Variants in NBAS observed in about 807,000 individuals in gnomAD.
NBAS encodes the protein NBAS subunit of NRZ tethering complex, also known as NAG/BC035112 fusion.
NBAS carries 219 observed loss-of-function variants against 302.5 expected under a neutral mutation model. That is an observed-to-expected ratio of 0.72 (90% CI 0.65 to 0.81). The LOEUF is 0.81. Ranked by LOEUF, NBAS falls within the 30% of genes least tolerant of loss-of-function variation. The pLI is 0.00. For synonymous variants in NBAS, 1,118 were observed against 1,021.6 expected (o/e 1.09, Z -1.80); for missense variants, 2,932 against 2,841.6 (o/e 1.03, Z -0.72).
At chr2:15,553,922 A>G in intron 4 of NBAS, 139 bp downstream of exon 4, 3 of 728,758 alleles carry the variant, frequency 4.1e-6, no homozygotes, top group Non-Finnish European at 7.1e-6. Flanking sequence ...AGTTTAAACA[A>G]TACTAAATAT....
At chr2:14,893,146 T>C in the NBAS span, among the ~76,000 whole-genome samples, 1 of 152,204 alleles carries the variant, frequency 6.6e-6, no homozygotes, top group African/African-American at 2.4e-5. Context: ...ATTTACATTT[T>C]GTAAGAAAAT....
chr2:15,026,631 G>A, the NBAS span, among the ~76,000 whole-genome samples: 3 of 152,078 alleles, frequency 2.0e-5, no homozygotes, highest in African/African-American at 7.2e-5. Context: ...TGTTGGATTA[G>A]CTTTTTAATG....
At chr2:15,527,006 C>A (rs1447587239) in intron 9 of NBAS, among the ~76,000 whole-genome samples, 2 of 149,910 alleles carry the variant, frequency 1.3e-5, no homozygotes, top group African/African-American at 4.9e-5. Context: ...TGTAACAAAT[C>A]AAGAGAGTGG....
chr2:14,837,884 AG>A, the NBAS span, among the ~76,000 whole-genome samples: 6 of 151,822 alleles, frequency 4.0e-5, no homozygotes, highest in Non-Finnish European at 1.5e-5. Context: ...TATTGCCTTT[AG>A]TATTTACGCT....
chr2:15,288,110 G>A (rs1027769619), intron 41 of NBAS, among the ~76,000 whole-genome samples: 3 of 152,244 alleles, frequency 2.0e-5, no homozygotes, highest in Non-Finnish European at 4.4e-5. Context: ...AGACTCCAGA[G>A]CCTACAATCA....
the NBAS span, among the ~76,000 whole-genome samples, chr2:14,924,654 C>T: frequency 0.087 from 13,248 of 152,170 alleles, 650 homozygotes; most frequent in African/African-American, 0.11. Context: ...GACTTCCTTT[C>T]GCCAAGAAAA....
In NBAS at chr2:15,463,788, C is replaced by CAAAAAAAAAAAAAAAAAAAAAA. The variant is rs55808465; in HGVS notation, c.2098-1998_2098-1997insTTTTTTTTTTTTTTTTTTTTTT. Among the ~76,000 whole-genome samples, 22 of 91,628 alleles carry CAAAAAAAAAAAAAAAAAAAAAA rather than the reference C, an allele frequency of 2.4e-4. 1 individual carries two copies. Among genetic ancestry groups the CAAAAAAAAAAAAAAAAAAAAAA allele is most frequent in the African/African-American group, 7.0e-4 (16 of 22,986 alleles). The allele number at this position is 91,628 out of a possible 152,430, so 60.1% of individuals were successfully genotyped here. A position where few individuals can be genotyped will look rare whatever the true frequency, so the allele number is the denominator to read the frequency against. On this transcript the variant is annotated intron_variant, in intron 19 of 51. Transcript: ENST00000281513. ...AATCCTCATTCAAATGAACCAAATG[C>CAAAAAAAAAAAAAAAAAAAAAA]AAAAAAAAAAAAAAAAAGCACCAGG...
Position 15,424,388 on chromosome 2 carries a change from G to A in NBAS, c.2504C>T (p.Thr835Ile). The change falls in exon 23 of 52, where the codon ACC (threonine) becomes ATC (isoleucine). Residue 835 changes from threonine to isoleucine, a missense_variant. Coordinates refer to ENST00000281513, the MANE Select transcript of NBAS (RefSeq NM_015909.4). ...CATAACCTTCTCCACCGTAAGCTGG[G>A]TCATCCTGAACCTTAGTAACTCAGG... ...AQPELLRFRM[T>I]QLTVEKVMDW... The A allele has an allele frequency of 6.2e-7, 1 of 1,614,068 alleles. No individual in the cohort carries two copies. Among genetic ancestry groups the A allele is most frequent in the Non-Finnish European group, 8.5e-7 (1 of 1,179,976 alleles).
rs564093524 is a variant in NBAS, at chr2:15,304,770, T to C, written c.4797+3446A>G. 5.5e-4 allele frequency among the ~76,000 whole-genome samples: 83 copies of C among 152,278 alleles called. No individual in the cohort carries two copies. In the South Asian group the frequency reaches 0.016, roughly 30 times the overall value. ...GTAGAACTTTGCTTGAGAGAGATGA[T>C]TTAGGGTTTCTGGTGGGAGAAATTT... On this transcript the variant is annotated intron_variant, in intron 40 of 51. Coordinates refer to ENST00000281513, the MANE Select transcript of NBAS (RefSeq NM_015909.4).
the NBAS span, among the ~76,000 whole-genome samples, chr2:14,877,641 T>A: frequency 6.6e-6 from 1 of 152,254 alleles, no homozygotes; most frequent in Non-Finnish European, 1.5e-5. Context: ...TTTTCAAGAT[T>A]TTTTTAATGC....
intron 23 of NBAS, among the ~76,000 whole-genome samples, chr2:15,421,876 C>T (rs1677231060): frequency 6.6e-6 from 1 of 152,052 alleles, no homozygotes; most frequent in African/African-American, 2.4e-5. Flanking sequence ...GCTAAAAGTA[C>T]AATTTCCATA....
At chr2:15,402,362 T>C in intron 25 of NBAS, 61 bp from the exon 26 acceptor site, 1 of 1,482,132 alleles carries the variant, frequency 6.7e-7, no homozygotes, top group South Asian at 1.1e-5. Context: ...TTTTTCCATA[T>C]CCCAATACTA....
At chr2:15,285,958 C>A (rs1172133661) in intron 42 of NBAS, among the ~76,000 whole-genome samples, 1 of 152,220 alleles carries the variant, frequency 6.6e-6, no homozygotes, top group African/African-American at 2.4e-5. Flanking sequence ...TGGCGCCTGG[C>A]CTCTCTTGCC....
At chr2:14,783,534 T>C in the NBAS span, among the ~76,000 whole-genome samples, 330 of 141,502 alleles carry the variant, frequency 2.3e-3, no homozygotes, top group African/African-American at 7.8e-3. Context: ...TGTGTTCTCA[T>C]TGTTCAATTC....
the NBAS span, among the ~76,000 whole-genome samples, chr2:14,965,256 C>G: frequency 6.6e-6 from 1 of 152,004 alleles, no homozygotes; most frequent in Non-Finnish European, 1.5e-5. Flanking sequence ...AAATCTAGTA[C>G]TTTGACAGAT....
the NBAS span, among the ~76,000 whole-genome samples, chr2:15,026,972 C>T: frequency 6.6e-6 from 1 of 152,088 alleles, no homozygotes; most frequent in African/African-American, 2.4e-5. Flanking sequence ...TTTTTCCATT[C>T]ATAAACTAAT....
chr2:14,963,669 T>C, the NBAS span, among the ~76,000 whole-genome samples: 4 of 152,194 alleles, frequency 2.6e-5, no homozygotes, highest in African/African-American at 7.2e-5. Flanking sequence ...CCCAAGTAGA[T>C]AACATTTCCC....
chr2:15,518,783 A>G (rs1302718470), intron 9 of NBAS, among the ~76,000 whole-genome samples: 1 of 152,172 alleles, frequency 6.6e-6, no homozygotes, highest in Non-Finnish European at 1.5e-5. Flanking sequence ...CCTCATAATC[A>G]TGGTGGAAGG....
intron 21 of NBAS, among the ~76,000 whole-genome samples, chr2:15,446,552 GGC>G (rs1392248652): frequency 6.6e-6 from 1 of 152,248 alleles, no homozygotes; most frequent in Non-Finnish European, 1.5e-5. Context: ...AAGTGTTTCA[GGC>G]TGAAGGAAAC....
Sources: gnomAD v4.1 joint callset for allele counts (sites outside exome capture counted in the v4.1 genomes callset) on GRCh38, gnomAD v4.1.1 for gene constraint, MANE v1.5 for transcripts, NCBI Gene and HGNC (gene_info 2026-07-23, HGNC 2026-07-21) for gene names.